Variants in DLEU7 observed in about 807,000 individuals in gnomAD.
DLEU7 encodes the protein leukemia-associated protein 7.
Under a neutral mutation model 16.0 loss-of-function variants are expected in DLEU7, and 17 were observed. That is an observed-to-expected ratio of 1.06 (90% CI 0.73 to 1.59). The LOEUF (loss-of-function observed/expected upper bound fraction) is 1.59, where lower values mean the gene tolerates loss of function less well. Among genes scored for constraint, DLEU7 ranks in the 40% most tolerant of loss-of-function variants. The pLI, the probability that DLEU7 is intolerant of heterozygous loss-of-function variation, is 0.00. For missense variants in DLEU7, 308 were observed against 314.9 expected, an observed-to-expected ratio of 0.98 and a Z score of 0.17; for synonymous variants, 113 against 139.8, an observed-to-expected ratio of 0.81 and a Z score of 1.35.
At chr13:50,824,934 TAG>T (rs1318495625) in intron 1 of DLEU7, among the ~76,000 whole-genome samples, 9 of 152,314 alleles carry the variant, frequency 5.9e-5, no homozygotes, top group African/African-American at 2.2e-4. Flanking sequence ...GAATTTAAAA[TAG>T]AGACTATAAA....
At chr13:50,789,047 C>T (rs896267073) in intron 1 of DLEU7, among the ~76,000 whole-genome samples, 4 of 151,986 alleles carry the variant, frequency 2.6e-5, no homozygotes, top group Non-Finnish European at 5.9e-5. Context: ...TCTGGAGCAT[C>T]GTCGTATTGC....
chr13:50,758,085 T>C (rs1874817895), intron 1 of DLEU7, among the ~76,000 whole-genome samples: 1 of 141,634 alleles, frequency 7.1e-6, no homozygotes, highest in Admixed American at 7.3e-5. Context: ...CAGGTTGGTC[T>C]CAAATTGCTG....
At chr13:50,777,330 G>A (rs1172281543) in intron 1 of DLEU7, among the ~76,000 whole-genome samples, 1 of 152,128 alleles carries the variant, frequency 6.6e-6, no homozygotes, top group East Asian at 1.9e-4. Context: ...ATCTGGGTGG[G>A]CACCATCTAA....
At chr13:50,802,856 C>T (rs1391992656) in intron 1 of DLEU7, among the ~76,000 whole-genome samples, 1 of 152,108 alleles carries the variant, frequency 6.6e-6, no homozygotes, top group Non-Finnish European at 1.5e-5. Context: ...CAGTTGGGAC[C>T]ACGCTATTTA....
At chr13:50,831,512 C>T (rs529207133) in intron 1 of DLEU7, among the ~76,000 whole-genome samples, 1 of 152,240 alleles carries the variant, frequency 6.6e-6, no homozygotes, top group South Asian at 2.1e-4. Context: ...GAACATTAGT[C>T]TGAAAAGAAT....
chr13:50,793,800 G>C (rs566488628), intron 1 of DLEU7, among the ~76,000 whole-genome samples: 24 of 152,232 alleles, frequency 1.6e-4, no homozygotes, highest in African/African-American at 4.8e-4. Context: ...ATTCTGTAGG[G>C]TGTCTGTTTA....
intron 1 of DLEU7, among the ~76,000 whole-genome samples, chr13:50,804,523 A>T (rs990516913): frequency 4.0e-5 from 6 of 151,798 alleles, no homozygotes; most frequent in African/African-American, 1.4e-4. Context: ...AGCTCACTGC[A>T]ATCTCTGCCT....
chr13:50,719,847 G>C (rs1350278589), intron 1 of DLEU7: 1 of 152,184 alleles, frequency 6.6e-6, no homozygotes, highest in Non-Finnish European at 1.5e-5. Flanking sequence ...AGTCACTTGA[G>C]TTAAAGTATC....
intron 1 of DLEU7, among the ~76,000 whole-genome samples, chr13:50,761,815 AT>A (rs757286402): frequency 3.9e-5 from 6 of 152,218 alleles, no homozygotes; most frequent in Non-Finnish European, 7.3e-5. Flanking sequence ...TTAAATGGGC[AT>A]TTTAAAGCTG....
intron 1 of DLEU7, among the ~76,000 whole-genome samples, chr13:50,739,830 C>T (rs1461425666): frequency 6.6e-6 from 1 of 152,148 alleles, no homozygotes; most frequent in Non-Finnish European, 1.5e-5. Flanking sequence ...CTACCTAGTC[C>T]CTTTTGGCCA....
intron 1 of DLEU7, among the ~76,000 whole-genome samples, chr13:50,803,465 G>C (rs1415020854): frequency 6.6e-6 from 1 of 152,042 alleles, no homozygotes; most frequent in African/African-American, 2.4e-5. Context: ...CCATTAAAGT[G>C]TGTCAAATAT....
rs1200879946 is a variant in DLEU7, at chr13:50,764,047, A to G, written c.460-50807T>C. Among the ~76,000 whole-genome samples the G allele has an allele frequency of 1.3e-5, 2 of 152,252 alleles. 1 individual carries two copies. The highest frequency in any genetic ancestry group is 4.8e-5 in the African/African-American group (2 of 41,474). ...TCCCGCACTGCATTTAAGGCACTGC[A>G]GGTAGAGTGTACTAGAACGCACATG... is the stretch of plus-strand genomic sequence containing the variant. On this transcript the variant is annotated intron_variant, in intron 1 of 1. Coordinates refer to the DLEU7 transcript ENST00000400393.
At chr13:50,730,543 C>A (rs1394277134) in intron 1 of DLEU7, among the ~76,000 whole-genome samples, 1 of 152,084 alleles carries the variant, frequency 6.6e-6, no homozygotes, top group Admixed American at 6.6e-5. Flanking sequence ...GCAGTGCTTC[C>A]TCTAGATTCT....
At chr13:50,746,182 C>A (rs368496319) in intron 1 of DLEU7, among the ~76,000 whole-genome samples, 5 of 152,270 alleles carry the variant, frequency 3.3e-5, no homozygotes, top group African/African-American at 1.2e-4. Flanking sequence ...AAGTTCTGTG[C>A]AAGCATTTGT....
intron 1 of DLEU7, among the ~76,000 whole-genome samples, chr13:50,756,725 C>T (rs555654940): frequency 2.0e-5 from 3 of 152,266 alleles, no homozygotes; most frequent in African/African-American, 4.8e-5. Context: ...CCCTGATTTC[C>T]GGCCAGGAAG....
At chr13:50,832,127 G>A (rs1877292112) in intron 1 of DLEU7, among the ~76,000 whole-genome samples, 1 of 152,074 alleles carries the variant, frequency 6.6e-6, no homozygotes, top group African/African-American at 2.4e-5. Flanking sequence ...GCTTTTTTTA[G>A]TTGGTAGGTT....
At chr13:50,797,613 T>G (rs1289094734) in intron 1 of DLEU7, among the ~76,000 whole-genome samples, 1 of 152,188 alleles carries the variant, frequency 6.6e-6, no homozygotes, top group Admixed American at 6.5e-5. Flanking sequence ...CAATGGCAAT[T>G]GTTTATTCTC....
At chr13:50,821,430 G>T (rs1235762901), downstream of DLEU7, among the ~76,000 whole-genome samples, 3 of 152,124 alleles carry the variant, frequency 2.0e-5, no homozygotes, top group African/African-American at 7.2e-5. Flanking sequence ...AAGATGTCTA[G>T]ATAATCCCTA....
chr13:50,835,445 T>C (rs1208901662), intron 1 of DLEU7, among the ~76,000 whole-genome samples: 1 of 152,208 alleles, frequency 6.6e-6, no homozygotes, highest in Non-Finnish European at 1.5e-5. Context: ...TTTTTGGCCA[T>C]CTTCACACTA....
Sources: gnomAD v4.1 joint callset for allele counts (sites outside exome capture counted in the v4.1 genomes callset) on GRCh38, gnomAD v4.1.1 for gene constraint, MANE v1.5 for transcripts, NCBI Gene and HGNC (gene_info 2026-07-23, HGNC 2026-07-21) for gene names.